MANBAL: variants seen among roughly 807,000 people sequenced by gnomAD.
MANBAL encodes protein MANBAL.
In MANBAL, 1 loss-of-function variant was observed where a neutral mutation model predicts 6.4. That is an observed-to-expected ratio of 0.16 (90% CI 0.06 to 0.74). The LOEUF is 0.74. Among genes scored for constraint, MANBAL ranks in the 30% least tolerant of loss-of-function variants. The probability of loss-of-function intolerance (pLI) is 0.78; values close to 1 mark genes in which losing one functional copy is unlikely to be tolerated. For synonymous variants in MANBAL, 47 were observed against 45.8 expected (o/e 1.03, Z -0.10); for missense variants, 100 against 107.8 (o/e 0.93, Z 0.32).
chr20:37,313,025 T>A (rs1213991433), intron 2 of MANBAL, among the ~76,000 whole-genome samples: 1 of 152,240 alleles, frequency 6.6e-6, no homozygotes, highest in African/African-American at 2.4e-5. Flanking sequence ...CATTCATTGA[T>A]TCAGCAACAG....
chr20:37,310,023 T>G (rs1430818006), intron 2 of MANBAL, among the ~76,000 whole-genome samples: 1 of 152,136 alleles, frequency 6.6e-6, no homozygotes, highest in Non-Finnish European at 1.5e-5. Context: ...GGTCTGGAGA[T>G]GTGTACCGAC....
At chr20:37,290,065 A>G (rs2068830355) in intron 1 of MANBAL, among the ~76,000 whole-genome samples, 1 of 152,140 alleles carries the variant, frequency 6.6e-6, no homozygotes, top group African/African-American at 2.4e-5. Context: ...TGGGCAAGTC[A>G]CGGTTCCTCT....
chr20:37,305,750 T>C (rs1340690818), intron 2 of MANBAL, among the ~76,000 whole-genome samples: 1 of 151,870 alleles, frequency 6.6e-6, no homozygotes, highest in Non-Finnish European at 1.5e-5. Context: ...TCTAACTTTT[T>C]ACTGGCGCAT....
At chr20:37,291,410 A>C (rs2068866530) in intron 1 of MANBAL, among the ~76,000 whole-genome samples, 1 of 152,096 alleles carries the variant, frequency 6.6e-6, no homozygotes, top group Non-Finnish European at 1.5e-5. Flanking sequence ...GCACCCTATT[A>C]CATTTAGTCA....
intron 1 of MANBAL, among the ~76,000 whole-genome samples, chr20:37,293,699 T>TC (rs2068925208): frequency 6.6e-6 from 1 of 152,182 alleles, no homozygotes; most frequent in African/African-American, 2.4e-5. Context: ...ACTTAATTGT[T>TC]CCATTTAGCA....
At chr20:37,294,498 G>A (rs2068947649) in intron 1 of MANBAL, among the ~76,000 whole-genome samples, 1 of 152,230 alleles carries the variant, frequency 6.6e-6, no homozygotes, top group Middle Eastern at 3.2e-3. Context: ...TTTTCACTCA[G>A]AGACTGGCCA....
intron 1 of MANBAL, among the ~76,000 whole-genome samples, chr20:37,291,316 A>G (rs1048285300): frequency 4.6e-5 from 7 of 152,176 alleles, no homozygotes; most frequent in African/African-American, 1.7e-4. Flanking sequence ...ATATTGATAC[A>G]TTATTATTAA....
intron 1 of MANBAL, among the ~76,000 whole-genome samples, chr20:37,294,750 A>G (rs2068954125): frequency 6.6e-6 from 1 of 152,154 alleles, no homozygotes; most frequent in Non-Finnish European, 1.5e-5. Flanking sequence ...TATGTATTGT[A>G]ATACTCACCC....
At chr20:37,305,320 T>A (rs2069232520) in intron 2 of MANBAL, among the ~76,000 whole-genome samples, 1 of 152,160 alleles carries the variant, frequency 6.6e-6, no homozygotes. Context: ...GGTGTGTGGC[T>A]GTTTGGAGAG....
intron 1 of MANBAL, among the ~76,000 whole-genome samples, chr20:37,294,259 A>G (rs1261300658): frequency 6.6e-6 from 1 of 152,192 alleles, no homozygotes; most frequent in South Asian, 2.1e-4. Flanking sequence ...TCACCTCAGC[A>G]TTCCTGTTGG....
Position 37,289,675 on chromosome 20 carries a change from G to C in MANBAL, c.-68G>C, listed in dbSNP as rs1568596233. On this transcript the variant is annotated 5_prime_UTR_variant, in exon 1 of 3. Coordinates refer to ENST00000373606, the MANE Select transcript of MANBAL (RefSeq NM_001003897.2). Reference sequence around the variant, plus strand: ...GAACTACTTCCGGGGGAGCGGCGCGGCGGCGCGGGAGGTGAGTGCCGCAGC... The same window carrying C: ...GAACTACTTCCGGGGGAGCGGCGCGCCGGCGCGGGAGGTGAGTGCCGCAGC... 6.5e-6 allele frequency: 1 copy of C among 152,674 alleles called. No homozygotes were observed. 9.5% of individuals were successfully genotyped at this position (152,674 alleles called of 1,614,324 possible). A position where few individuals can be genotyped will look rare whatever the true frequency, so the allele number is the denominator to read the frequency against.
intron 2 of MANBAL, among the ~76,000 whole-genome samples, chr20:37,310,056 GAC>G (rs1249551791): frequency 2.0e-5 from 3 of 152,176 alleles, no homozygotes; most frequent in Non-Finnish European, 4.4e-5. Context: ...GAGACGGCTG[GAC>G]ACACAAGGAG....
At chr20:37,305,246 C>T (rs2146813814) in intron 2 of MANBAL, among the ~76,000 whole-genome samples, 1 of 152,248 alleles carries the variant, frequency 6.6e-6, no homozygotes, top group East Asian at 1.9e-4. Context: ...TTGTTGGTGG[C>T]TGATGAGGCC....
At chr20:37,303,327 G>A (rs1027353376) in intron 2 of MANBAL, among the ~76,000 whole-genome samples, 18 of 152,214 alleles carry the variant, frequency 1.2e-4, no homozygotes, top group African/African-American at 4.1e-4. Context: ...GACATTAGAA[G>A]TTTTCAGTGC....
chr20:37,303,606 ACTAGGACT>A lies in MANBAL; in HGVS notation c.150+2196_150+2203del, dbSNP rs541066410. Among the ~76,000 whole-genome samples, 828 of 152,336 alleles carry A rather than the reference ACTAGGACT, an allele frequency of 5.4e-3. 6 individuals are homozygous for A. Among genetic ancestry groups the A allele is most frequent in the African/African-American group, 0.019 (786 of 41,578 alleles). On this transcript the variant is annotated intron_variant, in intron 2 of 2. Transcript: ENST00000373606. ...AGGACCACCCCAGGTTCAGTGATGC[ACTAGGACT>A]CTCAGCTGTGGCAGTGAAAGGATAC...
chr20:37,309,341 A>G (rs1336635449), intron 2 of MANBAL, among the ~76,000 whole-genome samples: 1 of 152,050 alleles, frequency 6.6e-6, no homozygotes, highest in African/African-American at 2.4e-5. Flanking sequence ...GGCCACATAC[A>G]CCTTGTCTCA....
At chr20:37,294,696 C>T (rs1211382189) in intron 1 of MANBAL, among the ~76,000 whole-genome samples, 1 of 152,174 alleles carries the variant, frequency 6.6e-6, no homozygotes, top group African/African-American at 2.4e-5. Flanking sequence ...GGCCCTTCCC[C>T]GACCACCTCA....
intron 2 of MANBAL, among the ~76,000 whole-genome samples, chr20:37,304,444 G>T (rs892178231): frequency 6.6e-6 from 1 of 151,990 alleles, no homozygotes; most frequent in Non-Finnish European, 1.5e-5. Flanking sequence ...GTTGTTATTA[G>T]TTTATCTTTC....
At position 37,311,472 on chromosome 20, in the gene MANBAL, A is replaced by ATTTG. The variant is rs745734426; in HGVS notation, c.151-4824_151-4821dup. 8.4e-4 allele frequency among the ~76,000 whole-genome samples: 127 copies of ATTTG among 151,934 alleles called. 1 individual carries two copies. Among genetic ancestry groups the ATTTG allele is most frequent in the Non-Finnish European group, 2.8e-4 (19 of 67,914 alleles). On this transcript the variant is annotated intron_variant, in intron 2 of 2. Transcript: ENST00000373606. ...GATTGTTGTTGTCATTGTTTTTTTT[A>ATTTG]TTTGTTTGTTTGTTTTTGTTTTGAG...
Sources: gnomAD v4.1 joint callset for allele counts (sites outside exome capture counted in the v4.1 genomes callset) on GRCh38, gnomAD v4.1.1 for gene constraint, MANE v1.5 for transcripts, NCBI Gene and HGNC (gene_info 2026-07-23, HGNC 2026-07-21) for gene names.